CSMD1: variants seen among roughly 807,000 people sequenced by gnomAD.
CSMD1 encodes CUB and sushi domain-containing protein 1.
CSMD1 carries 213 observed loss-of-function variants against 417.5 expected under a neutral mutation model. That is an observed-to-expected ratio of 0.51 (90% CI 0.46 to 0.57). CSMD1 has a LOEUF of 0.57. Ranked by LOEUF, CSMD1 falls within the 20% of genes least tolerant of loss-of-function variation. The probability of loss-of-function intolerance (pLI) is 0.00; values close to 1 mark genes in which losing one functional copy is unlikely to be tolerated. For missense variants in CSMD1, 6,923 were observed against 4,529.7 expected, an observed-to-expected ratio of 1.53 and a Z score of -15.17; for synonymous variants, 2,862 against 1,736.8, an observed-to-expected ratio of 1.65 and a Z score of -16.11.
chr8:3,630,496 C>A (rs1369563163), intron 7 of CSMD1, among the ~76,000 whole-genome samples: 1 of 152,036 alleles, frequency 6.6e-6, no homozygotes, highest in Non-Finnish European at 1.5e-5. Flanking sequence ...ATGAGAAGGT[C>A]CAATTTATAT....
chr8:4,537,998 C>T (rs772766518), intron 2 of CSMD1, among the ~76,000 whole-genome samples: 12 of 152,154 alleles, frequency 7.9e-5, no homozygotes, highest in Admixed American at 2.6e-4. Context: ...CCATGCTCTG[C>T]GTCATGGTTT....
intron 1 of CSMD1, among the ~76,000 whole-genome samples, chr8:4,771,163 A>C (rs562986728): frequency 6.6e-6 from 1 of 152,348 alleles, no homozygotes; most frequent in East Asian, 1.9e-4. Flanking sequence ...CACACATTAC[A>C]CAGAGAAGAC....
chr8:4,337,211 A>G (rs10089349), intron 3 of CSMD1, among the ~76,000 whole-genome samples: 28,036 of 152,044 alleles, frequency 0.18, 2,662 homozygotes, highest in South Asian at 0.21. Context: ...GAGACTTTCA[A>G]TCTTTACCCA....
chr8:3,563,182 A>C (rs944800425), intron 10 of CSMD1, among the ~76,000 whole-genome samples: 1 of 151,940 alleles, frequency 6.6e-6, no homozygotes, highest in African/African-American at 2.4e-5. Context: ...ACTACGTTTT[A>C]TTTAGTTGGG....
At chr8:3,434,973 T>TC (rs965907962) in intron 12 of CSMD1, among the ~76,000 whole-genome samples, 1 of 151,944 alleles carries the variant, frequency 6.6e-6, no homozygotes, top group Non-Finnish European at 1.5e-5. Context: ...GATCCATTTA[T>TC]CCCCCCAGGG....
intron 5 of CSMD1, among the ~76,000 whole-genome samples, chr8:3,997,387 A>G (rs375513273): frequency 7.2e-5 from 11 of 151,760 alleles, no homozygotes; most frequent in African/African-American, 2.7e-4. Context: ...TTATACATAT[A>G]GTGGACTAAG....
intron 3 of CSMD1, among the ~76,000 whole-genome samples, chr8:4,097,104 G>A (rs7820980): frequency 0.79 from 119,922 of 152,078 alleles, 47,403 homozygotes; most frequent in South Asian, 0.84. Flanking sequence ...GCACGGCTGT[G>A]CCTTCCCCTC....
At chr8:3,604,266 C>T (rs543537539) in intron 8 of CSMD1, among the ~76,000 whole-genome samples, 2 of 151,748 alleles carry the variant, frequency 1.3e-5, no homozygotes, top group Admixed American at 6.6e-5. Flanking sequence ...CTGGTCAGTG[C>T]TAGAAAGTCA....
At chr8:3,289,095 A>T (rs1384455718) in intron 25 of CSMD1, among the ~76,000 whole-genome samples, 2 of 146,262 alleles carry the variant, frequency 1.4e-5, no homozygotes, top group Non-Finnish European at 2.9e-5. Context: ...TTTGTCCTTG[A>T]GATAGTTTGC....
chr8:3,723,896 A>G (rs944372170), intron 6 of CSMD1, among the ~76,000 whole-genome samples: 1 of 152,252 alleles, frequency 6.6e-6, no homozygotes. Flanking sequence ...AAGTGCAAAA[A>G]GTTGACTTAT....
At chr8:3,262,746 T>G (rs1585844788) in intron 26 of CSMD1, among the ~76,000 whole-genome samples, 1 of 152,156 alleles carries the variant, frequency 6.6e-6, no homozygotes, top group Admixed American at 6.5e-5. Context: ...AAATGTCCTT[T>G]AATAAGCTTA....
At chr8:3,207,457 C>A (rs1478012669) in intron 30 of CSMD1, among the ~76,000 whole-genome samples, 1 of 151,984 alleles carries the variant, frequency 6.6e-6, no homozygotes, top group Admixed American at 6.6e-5. Context: ...TGGCAATTTT[C>A]AAGCCTCAAA....
chr8:3,133,647 G>T (rs949270525), intron 41 of CSMD1, among the ~76,000 whole-genome samples: 26 of 152,148 alleles, frequency 1.7e-4, no homozygotes, highest in Admixed American at 6.5e-5. Flanking sequence ...TTAGCTCTGG[G>T]AAGGGGAGGG....
chr8:3,549,902 A>G (rs577730191), intron 10 of CSMD1, among the ~76,000 whole-genome samples: 17 of 152,362 alleles, frequency 1.1e-4, no homozygotes, highest in African/African-American at 3.8e-4. Context: ...ATTTGAATAA[A>G]TAAGTCAACA....
chr8:4,142,146 G>A (rs1464310148), intron 3 of CSMD1, among the ~76,000 whole-genome samples: 1 of 151,086 alleles, frequency 6.6e-6, no homozygotes, highest in East Asian at 1.9e-4. Context: ...TAAAACATAT[G>A]TTAAAAATGA....
intron 1 of CSMD1, among the ~76,000 whole-genome samples, chr8:4,770,494 C>T (rs564525340): frequency 1.3e-5 from 2 of 150,824 alleles, no homozygotes; most frequent in South Asian, 4.2e-4. Flanking sequence ...CCTAAAAGAC[C>T]TCAAATAGCC....
At chr8:3,260,192 T>A (rs1360280462) in intron 26 of CSMD1, among the ~76,000 whole-genome samples, 1 of 152,216 alleles carries the variant, frequency 6.6e-6, no homozygotes, top group Non-Finnish European at 1.5e-5. Flanking sequence ...CTTTATTATC[T>A]GCTTCCTCAC....
intron 2 of CSMD1, among the ~76,000 whole-genome samples, chr8:4,461,285 G>A (rs1222170233): frequency 1.3e-5 from 2 of 152,124 alleles, no homozygotes; most frequent in East Asian, 1.9e-4. Context: ...TGTATTTAAT[G>A]AAATATTGAA....
intron 30 of CSMD1, among the ~76,000 whole-genome samples, chr8:3,206,686 A>ATG (rs1797311842): frequency 8.2e-6 from 1 of 122,062 alleles, no homozygotes; most frequent in South Asian, 2.7e-4. Context: ...GTGTGTGTAT[A>ATG]TGTGTGTGTG....
Sources: gnomAD v4.1 joint callset for allele counts (sites outside exome capture counted in the v4.1 genomes callset) on GRCh38, gnomAD v4.1.1 for gene constraint, MANE v1.5 for transcripts, NCBI Gene and HGNC (gene_info 2026-07-23, HGNC 2026-07-21) for gene names.